AUTS2: variants seen among roughly 807,000 people sequenced by gnomAD.
AUTS2 encodes the protein autism susceptibility gene 2 protein.
AUTS2 carries 17 observed loss-of-function variants against 112.4 expected under a neutral mutation model. The observed-to-expected ratio is 0.15, with a 90% CI of 0.10 to 0.23. AUTS2 has a LOEUF of 0.23. Among genes scored for constraint, AUTS2 ranks in the 10% least tolerant of loss-of-function variants. AUTS2 has a pLI of 1.00. For missense variants in AUTS2, 1,510 were observed against 1,701.6 expected (o/e 0.89, Z 1.98); for synonymous variants, 751 against 702.7 (o/e 1.07, Z -1.09).
intron 1 of AUTS2, among the ~76,000 whole-genome samples, chr7:69,851,367 A>G (rs1281643201): frequency 6.6e-6 from 1 of 152,184 alleles, no homozygotes; most frequent in Non-Finnish European, 1.5e-5. Flanking sequence ...TCTTGAACGT[A>G]TTTACAAAAA....
chr7:70,126,244 C>T (rs1805964010), intron 3 of AUTS2, among the ~76,000 whole-genome samples: 1 of 152,060 alleles, frequency 6.6e-6, no homozygotes, highest in Non-Finnish European at 1.5e-5. Context: ...CATGGTGAAA[C>T]CCCGTCTCTA....
At chr7:70,568,414 A>G (rs567356811) in intron 5 of AUTS2, among the ~76,000 whole-genome samples, 1 of 152,356 alleles carries the variant, frequency 6.6e-6, no homozygotes, top group African/African-American at 2.4e-5. Flanking sequence ...AAAGCTCTCA[A>G]TGCCTGGTGT....
intron 5 of AUTS2, among the ~76,000 whole-genome samples, chr7:70,520,743 C>A (rs1799609143): frequency 1.3e-5 from 2 of 152,202 alleles, no homozygotes; most frequent in Non-Finnish European, 2.9e-5. Flanking sequence ...GTGCCTGGTA[C>A]AAATGAGCGG....
chr7:70,398,573 A>G (rs1794188094), intron 4 of AUTS2, among the ~76,000 whole-genome samples: 1 of 152,126 alleles, frequency 6.6e-6, no homozygotes, highest in African/African-American at 2.4e-5. Context: ...TATTGATGTT[A>G]TATTAAATTA....
chr7:70,059,099 C>T (rs1289013005), intron 2 of AUTS2, among the ~76,000 whole-genome samples: 3 of 152,130 alleles, frequency 2.0e-5, no homozygotes, highest in South Asian at 2.1e-4. Flanking sequence ...AAATATAAAA[C>T]GGCATGTACT....
At chr7:69,828,216 T>C (rs1161279018) in intron 1 of AUTS2, among the ~76,000 whole-genome samples, 1 of 152,188 alleles carries the variant, frequency 6.6e-6, no homozygotes, top group Admixed American at 6.5e-5. Flanking sequence ...TCCTTGTCAG[T>C]GATGGGCTTA....
intron 6 of AUTS2, among the ~76,000 whole-genome samples, chr7:70,745,079 C>T (rs574963738): frequency 4.2e-4 from 64 of 152,178 alleles, no homozygotes; most frequent in Admixed American, 2.7e-3. Flanking sequence ...TTACCCTCTG[C>T]ATTTGAGAAA....
chr7:70,722,387 A>AGAG (rs1476651543), intron 6 of AUTS2, among the ~76,000 whole-genome samples: 1 of 152,200 alleles, frequency 6.6e-6, no homozygotes, highest in Non-Finnish European at 1.5e-5. Flanking sequence ...TGGAAAATAT[A>AGAG]GAGGGAGATG....
intron 6 of AUTS2, among the ~76,000 whole-genome samples, chr7:70,747,377 G>A (rs906810812): frequency 7.9e-5 from 12 of 152,220 alleles, no homozygotes; most frequent in Non-Finnish European, 1.5e-5. Context: ...TCCAAGGACA[G>A]GTAAAACTTC....
At chr7:69,773,961 G>A (rs1687214256) in intron 1 of AUTS2, among the ~76,000 whole-genome samples, 1 of 152,230 alleles carries the variant, frequency 6.6e-6, no homozygotes, top group African/African-American at 2.4e-5. Flanking sequence ...TGTCTGCAGG[G>A]CCAAGTTGGG....
intron 2 of AUTS2, among the ~76,000 whole-genome samples, chr7:69,999,958 A>G (rs566352271): frequency 1.3e-5 from 2 of 152,234 alleles, no homozygotes; most frequent in African/African-American, 4.8e-5. Context: ...GGCAAACCGA[A>G]GTAGCTGTGG....
intron 1 of AUTS2, among the ~76,000 whole-genome samples, chr7:69,601,155 A>C (rs1361832475): frequency 6.6e-6 from 1 of 151,702 alleles, no homozygotes; most frequent in African/African-American, 2.4e-5. Flanking sequence ...ATGCACACAC[A>C]CACAGAAGGC....
At chr7:70,272,044 G>T (rs1012212632) in intron 4 of AUTS2, among the ~76,000 whole-genome samples, 1 of 152,112 alleles carries the variant, frequency 6.6e-6, no homozygotes, top group South Asian at 2.1e-4. Context: ...TTGAGCCTGC[G>T]TCTCTCCTGA....
intron 5 of AUTS2, among the ~76,000 whole-genome samples, chr7:70,697,239 T>C (rs1341868305): frequency 6.6e-6 from 1 of 152,198 alleles, no homozygotes; most frequent in African/African-American, 2.4e-5. Context: ...TAGGAAAAAA[T>C]CTATCTAGGG....
intron 2 of AUTS2, among the ~76,000 whole-genome samples, chr7:70,028,854 A>G (rs1800642696): frequency 6.6e-6 from 1 of 152,064 alleles, no homozygotes; most frequent in Non-Finnish European, 1.5e-5. Flanking sequence ...AAGGCTCTCT[A>G]TTGCCTGCGA....
intron 4 of AUTS2, among the ~76,000 whole-genome samples, chr7:70,155,923 G>A (rs985714253): frequency 3.9e-5 from 6 of 152,216 alleles, no homozygotes; most frequent in African/African-American, 1.2e-4. Flanking sequence ...CAGGCAGGAA[G>A]TGATACCAGT....
chr7:69,982,942 C>A (rs190118051), intron 2 of AUTS2, among the ~76,000 whole-genome samples: 4 of 152,234 alleles, frequency 2.6e-5, no homozygotes, highest in African/African-American at 9.6e-5. Flanking sequence ...AGCTGAAGAG[C>A]CATTTAGTTC....
intron 1 of AUTS2, among the ~76,000 whole-genome samples, chr7:69,607,744 A>G (rs998487287): frequency 3.3e-5 from 5 of 152,222 alleles, no homozygotes; most frequent in African/African-American, 4.8e-5. Context: ...ACCCATGTGC[A>G]GTAAAATGGA....
chr7:69,768,692 A>G (rs1788534903), intron 1 of AUTS2, among the ~76,000 whole-genome samples: 1 of 152,168 alleles, frequency 6.6e-6, no homozygotes, highest in Admixed American at 6.5e-5. Flanking sequence ...AGAAAAGGTT[A>G]TGTGTCGTTG....
Sources: gnomAD v4.1 joint callset for allele counts (sites outside exome capture counted in the v4.1 genomes callset) on GRCh38, gnomAD v4.1.1 for gene constraint, MANE v1.5 for transcripts, NCBI Gene and HGNC (gene_info 2026-07-23, HGNC 2026-07-21) for gene names.